TCN1: variants seen among roughly 807,000 people sequenced by gnomAD.
TCN1 encodes transcobalamin-1.
Under a neutral mutation model 46.3 loss-of-function variants are expected in TCN1, and 47 were observed. That is an observed-to-expected ratio of 1.01 (90% CI 0.80 to 1.29). TCN1 has a LOEUF of 1.29. Ranked by LOEUF, TCN1 falls within the 50% of genes most tolerant of loss-of-function variation. The pLI, the probability that TCN1 is intolerant of heterozygous loss-of-function variation, is 0.00. For missense variants in TCN1, 532 were observed against 511.0 expected, an observed-to-expected ratio of 1.04 and a Z score of -0.40; for synonymous variants, 183 against 192.5, an observed-to-expected ratio of 0.95 and a Z score of 0.41.
At position 59,853,171 on chromosome 11, in the gene TCN1, G is replaced by T. The variant is rs1244340893; in HGVS notation, c.1240+32C>A. 4 of 1,612,306 alleles carry T rather than the reference G, an allele frequency of 2.5e-6. No homozygotes were observed. The African/African-American group carries it at 5.3e-5, about 22-fold the overall frequency. Reference sequence around the variant, plus strand: ...ACCCCTCTCCATTTGGGCATTTTTAGCATGGGTCTTTTTGGCATGTCTCTC... The same window carrying T: ...ACCCCTCTCCATTTGGGCATTTTTATCATGGGTCTTTTTGGCATGTCTCTC... On this transcript the variant is annotated intron_variant, in intron 8 of 8. Transcript: ENST00000257264.
intron 5 of TCN1, among the ~76,000 whole-genome samples, chr11:59,856,784 C>G (rs983025491): frequency 3.9e-5 from 6 of 152,166 alleles, no homozygotes; most frequent in Admixed American, 3.9e-4. Flanking sequence ...AGATGTCTGA[C>G]CTCATTTGAT....
chr11:59,860,296 A>C (rs1853002732), intron 4 of TCN1, among the ~76,000 whole-genome samples: 1 of 151,716 alleles, frequency 6.6e-6, no homozygotes. Flanking sequence ...CGCCCAGCTA[A>C]TTTTGTATTT....
intron 8 of TCN1, 74 bp from the exon 9 acceptor site, chr11:59,853,110 T>G: frequency 1.9e-6 from 3 of 1,596,934 alleles, no homozygotes; most frequent in Non-Finnish European, 1.7e-6. Context: ...ATGTCATCTC[T>G]ACTAACCCCT....
At position 59,853,285 on chromosome 11, in the gene TCN1, G is replaced by T; in HGVS notation, c.1158C>A (p.Ile386=). ...TGGCACATAGGCCCTGAATACAGGTGATATAGGGCCCCCATGAGCGCTCCT... is the reference window on the plus strand; with the variant it reads ...TGGCACATAGGCCCTGAATACAGGTTATATAGGGCCCCCATGAGCGCTCCT... ...TMEERSWGPY[I]TCIQGLCANN... is the part of the protein sequence containing the mutation. The change falls in exon 8 of 9, where the codon ATC becomes ATA. Residue 386 remains isoleucine (I), a synonymous_variant. Coordinates refer to ENST00000257264, the MANE Select transcript of TCN1 (RefSeq NM_001062.4). 2 of 1,614,104 alleles carry T rather than the reference G, an allele frequency of 1.2e-6. No individual in the cohort carries two copies. The highest frequency in any genetic ancestry group is 1.7e-6 in the Non-Finnish European group (2 of 1,180,000).
rs142806557 is a variant in TCN1, at chr11:59,856,778, G to A, written c.748-720C>T. Reference sequence around the variant, plus strand: ...AGATGCTTGAATTTTATGATGAGATGTCTGACCTCATTTGATTGACAACGA... The same window carrying A: ...AGATGCTTGAATTTTATGATGAGATATCTGACCTCATTTGATTGACAACGA... On this transcript the variant is annotated intron_variant, in intron 5 of 8. Coordinates refer to ENST00000257264, the MANE Select transcript of TCN1 (RefSeq NM_001062.4). Among the ~76,000 whole-genome samples the A allele has an allele frequency of 2.9e-3, 443 of 152,234 alleles. 5 individuals carry two copies. Among genetic ancestry groups the A allele is most frequent in the African/African-American group, 0.01 (420 of 41,524 alleles).
chr11:59,855,345 T>C (rs901115679), intron 6 of TCN1, among the ~76,000 whole-genome samples: 2 of 152,206 alleles, frequency 1.3e-5, no homozygotes, highest in Non-Finnish European at 1.5e-5. Context: ...TGTCCAAGTT[T>C]CCTAAACCTG....
Position 59,853,234 on chromosome 11 carries a change from T to C in TCN1, c.1209A>G (p.Glu403=). The change falls in exon 8 of 9, where the codon GAA becomes GAG. Residue 403 remains glutamate, a synonymous_variant. Coordinates refer to ENST00000257264, the MANE Select transcript of TCN1 (RefSeq NM_001062.4). ...CANNNDRTYW[E]LLSGGEPLSQ... ...TCAGTGGTTCGCCTCCACTCAGAAGTTCCCAGTAGGTTCTGTCATTATTGT... is the reference window on the plus strand; with the variant it reads ...TCAGTGGTTCGCCTCCACTCAGAAGCTCCCAGTAGGTTCTGTCATTATTGT... The C allele has an allele frequency of 1.2e-6, 2 of 1,614,156 alleles. No homozygotes were observed. Among genetic ancestry groups the C allele is most frequent in the Non-Finnish European group, 1.7e-6 (2 of 1,180,018 alleles).
Position 59,859,216 on chromosome 11 carries a change from A to G in TCN1, c.608T>C (p.Ile203Thr), listed in dbSNP as rs946270709. ...TTCATCTGCTTTGATCTGCCCATTT[A>G]TTAGACTCTTCTTCACACAGGTCAG... Reference protein sequence around the residue: ...LALTCVKKSLINGQIKADEGS... With the variant: ...LALTCVKKSLTNGQIKADEGS... Residue 203 changes from isoleucine to threonine, a missense_variant, in exon 5 of 9, where the codon ATA (isoleucine) becomes ACA (threonine). Physicochemically the swap from Ile to Thr is moderately conservative, Grantham distance 89. Transcript: ENST00000257264. 3 of 1,614,068 alleles carry G rather than the reference A, an allele frequency of 1.9e-6. No individual in the cohort carries two copies. The highest frequency in any genetic ancestry group is 2.5e-6 in the Non-Finnish European group (3 of 1,180,028).
At chr11:59,854,542 C>T in intron 7 of TCN1, 110 bp downstream of exon 7, 1 of 1,197,726 alleles carries the variant, frequency 8.3e-7, no homozygotes, top group Non-Finnish European at 1.2e-6. Flanking sequence ...AGCAAAGCTA[C>T]TGACCCAGAA....
In TCN1 at chr11:59,854,651, C is replaced by T. The variant is rs761348290; in HGVS notation, c.1121+1G>A. 1 of 1,613,532 alleles carries T rather than the reference C, an allele frequency of 6.2e-7. No individual in the cohort carries two copies. The highest frequency in any genetic ancestry group is 1.3e-5 in the African/African-American group (1 of 74,994). On this transcript the variant is annotated splice_donor_variant, in intron 7 of 8. Coordinates refer to ENST00000257264, the MANE Select transcript of TCN1 (RefSeq NM_001062.4). LOFTEE classifies it high-confidence loss of function. ...TAACCTTAGGTTAGGTACAGACCTA[C>T]CCAAATATAGTATCATTCATTTTCT...
At chr11:59,854,901 C>T in intron 6 of TCN1, 66 bp from the exon 7 acceptor site, 2 of 1,553,094 alleles carry the variant, frequency 1.3e-6, no homozygotes, top group African/African-American at 2.7e-5. Flanking sequence ...AGTTTGCAGA[C>T]CTACTCAACC....
rs185553999 is a variant in TCN1 at position 59,854,499 on chromosome 11, A to G, written c.1121+153T>C. The G allele has an allele frequency of 1.4e-3, 1,030 of 750,988 alleles. 1 individual carries two copies. The highest frequency in any genetic ancestry group is 2.0e-3 in the Non-Finnish European group (895 of 449,774). 46.5% of individuals were successfully genotyped at this position (750,988 alleles called of 1,614,324 possible). ...AAGAAGATGAAATACCTCACCTCCT[A>G]TTTTAAACTCCTGCTGTGAGATGTA... On this transcript the variant is annotated intron_variant, in intron 7 of 8. Coordinates refer to ENST00000257264, the MANE Select transcript of TCN1 (RefSeq NM_001062.4).
chr11:59,855,996 A>G lies in TCN1; in HGVS notation c.810T>C (p.Asn270=), dbSNP rs1400831647. 1 of 1,406,188 alleles carries G rather than the reference A, an allele frequency of 7.1e-7. No homozygotes were observed. The highest frequency in any genetic ancestry group is 2.0e-5 in the Admixed American group (1 of 50,768). The allele number at this position is 1,406,188 out of a possible 1,614,324, so 87.1% of individuals were successfully genotyped here. The change falls in exon 6 of 9, where the codon AAT becomes AAC. Residue 270 remains asparagine (N), a synonymous_variant. Transcript: ENST00000257264. ...ENDWNCQQTL[N]TVLTEISQGA... ...CTTGAGAAATTTCCGTGAGCACTGT[A>G]TTCAGAGTTTGTTGGCAATTCCAGT...
In TCN1 at chr11:59,862,596, T is replaced by C; in HGVS notation, c.386A>G (p.Glu129Gly). ...TTAATTCTTACCCATATTTTCAATT[T>C]CTGCTTGGAATTTATTTTCTAGCTT... ...IDKLENKFQAEIENMEAHNGT... is the reference protein window; with the variant it reads ...IDKLENKFQAGIENMEAHNGT... Residue 129 changes from glutamate to glycine, a missense_variant, in exon 3 of 9, where the codon GAA (glutamate) becomes GGA (glycine). Physicochemically the swap from Glu to Gly is moderately conservative, Grantham distance 98. Coordinates refer to ENST00000257264, the MANE Select transcript of TCN1 (RefSeq NM_001062.4). 1 of 1,613,586 alleles carries C rather than the reference T, an allele frequency of 6.2e-7. No homozygotes were observed. Among genetic ancestry groups the C allele is most frequent in the South Asian group, 1.1e-5 (1 of 91,068 alleles).
At chr11:59,856,979 A>G (rs1003967241) in intron 5 of TCN1, among the ~76,000 whole-genome samples, 1 of 152,144 alleles carries the variant, frequency 6.6e-6, no homozygotes, top group African/African-American at 2.4e-5. Context: ...GGACTTGAAC[A>G]TGCTGCTCTG....
intron 2 of TCN1, 116 bp downstream of exon 2, chr11:59,863,791 C>A: frequency 8.6e-7 from 1 of 1,164,730 alleles, no homozygotes; most frequent in Non-Finnish European, 1.3e-6. Context: ...AGTTTGGTAC[C>A]ATTAGAAGGG....
chr11:59,864,224 G>C (rs1229338170), intron 1 of TCN1, 138 bp from the exon 2 acceptor site: 1 of 977,766 alleles, frequency 1.0e-6, no homozygotes, highest in Non-Finnish European at 1.6e-6. Context: ...TGTGTTGGTG[G>C]AATAATACAA....
At chr11:59,854,270 A>AT (rs1397407441) in intron 7 of TCN1, among the ~76,000 whole-genome samples, 1 of 151,284 alleles carries the variant, frequency 6.6e-6, no homozygotes, top group Non-Finnish European at 1.5e-5. Context: ...GTGTATGTTC[A>AT]TTTTTTTCCT....
intron 4 of TCN1, among the ~76,000 whole-genome samples, chr11:59,861,206 A>G (rs895350243): frequency 6.6e-6 from 1 of 152,212 alleles, no homozygotes; most frequent in African/African-American, 2.4e-5. Context: ...CCTTTCTAAA[A>G]TATTTCATGT....
Sources: allele counts gnomAD v4.1 joint callset (sites outside exome capture counted in the v4.1 genomes callset), GRCh38; gene constraint gnomAD v4.1.1; transcripts MANE v1.5; gene names NCBI Gene and HGNC (gene_info 2026-07-23, HGNC 2026-07-21).